The following EFCAB13 variants were observed in gnomAD, a reference collection of about 807,000 sequenced individuals.
The protein encoded by EFCAB13 is EF-hand calcium-binding domain-containing protein 13.
Under a neutral mutation model 110.2 loss-of-function variants are expected in EFCAB13, and 91 were observed. That is an observed-to-expected ratio of 0.83 (90% confidence interval 0.70 to 0.98). The LOEUF is 0.98. EFCAB13 is among the 50% of genes least tolerant of loss of function. The pLI is 0.00. For synonymous variants in EFCAB13, 323 were observed against 369.9 expected (o/e 0.87, Z 1.45); for missense variants, 968 against 1,119.4 (o/e 0.86, Z 1.93).
At chr17:47,346,399 A>T (rs538294224) in intron 8 of EFCAB13, among the ~76,000 whole-genome samples, 1 of 143,322 alleles carries the variant, frequency 7.0e-6, no homozygotes, top group Admixed American at 7.0e-5. Context: ...TTAAAGGCTG[A>T]TTGATATTCT....
chr17:47,409,357 G>A, intron 20 of EFCAB13: 1 of 309,478 alleles, frequency 3.2e-6, no homozygotes, highest in Non-Finnish European at 6.1e-6. Flanking sequence ...GACCGGCTGG[G>A]GATTAACTTC....
chr17:47,365,413 A>G (rs933887133), intron 10 of EFCAB13, among the ~76,000 whole-genome samples: 2 of 152,186 alleles, frequency 1.3e-5, no homozygotes, highest in East Asian at 1.9e-4. Flanking sequence ...ATCTTAATAG[A>G]TATGTTAGAT....
chr17:47,384,536 G>A (rs1221779690), intron 14 of EFCAB13, among the ~76,000 whole-genome samples: 1 of 151,744 alleles, frequency 6.6e-6, no homozygotes, highest in Non-Finnish European at 1.5e-5. Context: ...AGGCAGGCCT[G>A]GTGTTGACAA....
intron 4 of EFCAB13, among the ~76,000 whole-genome samples, chr17:47,332,509 A>G (rs1328879144): frequency 1.3e-5 from 2 of 152,042 alleles, no homozygotes; most frequent in African/African-American, 2.4e-5. Context: ...CTCCAGTCTA[A>G]CTGAAACTCT....
At chr17:47,406,393 A>G (rs995897274) in intron 20 of EFCAB13, among the ~76,000 whole-genome samples, 1 of 152,050 alleles carries the variant, frequency 6.6e-6, no homozygotes, top group African/African-American at 2.4e-5. Context: ...ACAGGCATGA[A>G]CCACGCCCGG....
intron 6 of EFCAB13, 64 bp from the exon 7 acceptor site, chr17:47,344,098 C>G: frequency 1.3e-6 from 2 of 1,535,920 alleles, no homozygotes; most frequent in Non-Finnish European, 8.8e-7. Context: ...GTTGTATCAT[C>G]CAAGAATGCT....
intron 23 of EFCAB13, among the ~76,000 whole-genome samples, chr17:47,423,834 T>C (rs1378543403): frequency 6.6e-6 from 1 of 150,982 alleles, no homozygotes; most frequent in Non-Finnish European, 1.5e-5. Context: ...CTGCTGAGCT[T>C]TGCTGGGCTC....
Position 47,440,944 on chromosome 17 carries a change from T to G in EFCAB13, c.*230T>G, listed in dbSNP as rs1905310798. 3.0e-6 allele frequency: 1 copy of G among 335,520 alleles called. No individual in the cohort carries two copies. The highest frequency in any genetic ancestry group is 5.4e-6 in the Non-Finnish European group (1 of 185,536). 20.8% of individuals were successfully genotyped at this position (335,520 alleles called of 1,614,324 possible). ...GTACATATGGCAAAATTCACTCTTT[T>G]TAGGTATACAGTTCTTTGGATTCTT... On this transcript the variant is annotated 3_prime_UTR_variant, in exon 25 of 25. Coordinates refer to ENST00000331493, the MANE Select transcript of EFCAB13 (RefSeq NM_152347.5).
intron 10 of EFCAB13, among the ~76,000 whole-genome samples, chr17:47,366,688 G>A (rs2065548373): frequency 6.6e-6 from 1 of 152,172 alleles, no homozygotes; most frequent in Non-Finnish European, 1.5e-5. Flanking sequence ...TGCTAAGTTA[G>A]ATAGGGACCA....
At chr17:47,396,618 T>C (rs1436089683) in intron 17 of EFCAB13, among the ~76,000 whole-genome samples, 1 of 152,234 alleles carries the variant, frequency 6.6e-6, no homozygotes. Flanking sequence ...CTAGTACGTT[T>C]ATATTCTTTT....
At chr17:47,350,617 A>C (rs2065444432) in intron 9 of EFCAB13, among the ~76,000 whole-genome samples, 1 of 151,526 alleles carries the variant, frequency 6.6e-6, no homozygotes, top group African/African-American at 2.4e-5. Context: ...TTTTCTGTTG[A>C]AATCTCTCAT....
intron 23 of EFCAB13, among the ~76,000 whole-genome samples, chr17:47,421,426 G>C (rs895048453): frequency 6.6e-6 from 1 of 151,878 alleles, no homozygotes; most frequent in African/African-American, 2.4e-5. Flanking sequence ...ATGCTTGAAG[G>C]CAGCATGCTC....
At chr17:47,359,776 T>G in intron 9 of EFCAB13, among the ~76,000 whole-genome samples, 1 of 62,294 alleles carries the variant, frequency 1.6e-5, no homozygotes. Flanking sequence ...CCCTCCCCCC[T>G]CCCCCCACCC....
Position 47,374,963 on chromosome 17 carries a change from C to T in EFCAB13, c.1369C>T (p.Leu457=), listed in dbSNP as rs756578166. 3.9e-6 allele frequency: 6 copies of T among 1,554,786 alleles called. No individual in the cohort carries two copies. In the East Asian group the frequency reaches 1.1e-4, roughly 29 times the overall value. Residue 457 remains leucine (L), a synonymous_variant, in exon 12 of 25, where the codon CTG becomes TTG. Transcript: ENST00000331493. ...TACGGAAAAAACTGCAATTAGTACT[C>T]TGGGTAAGTAAAAATCTAGGTTCTT... is the stretch of plus-strand genomic sequence containing the variant. ...SSTEKTAIST[L]ENFCEAISKL...
intron 5 of EFCAB13, among the ~76,000 whole-genome samples, chr17:47,337,483 TAA>T (rs201388848): frequency 6.6e-6 from 1 of 152,112 alleles, no homozygotes; most frequent in East Asian, 1.9e-4. Context: ...TATATAAAAA[TAA>T]AAAAAATTTA....
chr17:47,353,520 T>C (rs2065464761), intron 9 of EFCAB13, among the ~76,000 whole-genome samples: 1 of 152,092 alleles, frequency 6.6e-6, no homozygotes, highest in Non-Finnish European at 1.5e-5. Flanking sequence ...GATGTCGAAC[T>C]CCTGACCTCA....
chr17:47,389,685 G>A (rs1241373060), intron 14 of EFCAB13, among the ~76,000 whole-genome samples: 1 of 144,462 alleles, frequency 6.9e-6, no homozygotes, highest in African/African-American at 2.6e-5. Context: ...TGGGCTTTTT[G>A]TATAAATGGT....
intron 5 of EFCAB13, among the ~76,000 whole-genome samples, chr17:47,338,243 GTT>G (rs11334311): frequency 4.1e-4 from 57 of 137,768 alleles, no homozygotes; most frequent in East Asian, 1.1e-3. Context: ...GTCACTACTA[GTT>G]TTTTTTTTTT....
At chr17:47,353,016 T>C (rs1368524910) in intron 9 of EFCAB13, among the ~76,000 whole-genome samples, 1 of 152,178 alleles carries the variant, frequency 6.6e-6, no homozygotes, top group Non-Finnish European at 1.5e-5. Flanking sequence ...GATTATATCA[T>C]CAACAAACAG....
Sources: allele counts gnomAD v4.1 joint callset (sites outside exome capture counted in the v4.1 genomes callset), GRCh38; gene constraint gnomAD v4.1.1; transcripts MANE v1.5; gene names NCBI Gene and HGNC (gene_info 2026-07-23, HGNC 2026-07-21).